Variants in HS3ST4 observed in about 807,000 individuals in gnomAD.
HS3ST4 encodes heparan sulfate glucosamine 3-O-sulfotransferase 4.
In HS3ST4, 17 loss-of-function variants were observed where a neutral mutation model predicts 29.2. The ratio of observed to expected loss-of-function variants is 0.58; its 90% CI spans 0.40 to 0.87. The LOEUF (loss-of-function observed/expected upper bound fraction) is 0.87, where lower values mean the gene tolerates loss of function less well. Among genes scored for constraint, HS3ST4 ranks in the 40% least tolerant of loss-of-function variants. HS3ST4 has a pLI of 0.00. For missense variants in HS3ST4, 627 were observed against 634.5 expected (o/e 0.99, Z 0.13); for synonymous variants, 314 against 285.7 (o/e 1.10, Z -1.00).
chr16:25,958,527 C>G (rs894569598), intron 1 of HS3ST4, among the ~76,000 whole-genome samples: 2 of 152,132 alleles, frequency 1.3e-5, no homozygotes, highest in Non-Finnish European at 2.9e-5. Context: ...GACGGGGTTT[C>G]ACCATGTTGG....
rs538924748 is a variant in HS3ST4, at chr16:26,052,641, G to A, written c.735-82971G>A. ...CTGCCTCAGCCTCCCAAAGTGCTGG[G>A]ATTACAGGCGTGAGCTACCACACCT... On this transcript the variant is annotated intron_variant, in intron 1 of 1. Coordinates refer to ENST00000331351, the MANE Select transcript of HS3ST4 (RefSeq NM_006040.3). 3.2e-4 allele frequency among the ~76,000 whole-genome samples: 48 copies of A among 152,342 alleles called. No homozygotes were observed. The South Asian group carries it at 3.9e-3, about 12-fold the overall frequency.
At chr16:25,754,164 A>G (rs1157171097) in intron 1 of HS3ST4, among the ~76,000 whole-genome samples, 1 of 152,156 alleles carries the variant, frequency 6.6e-6, no homozygotes, top group Non-Finnish European at 1.5e-5. Context: ...GGCAAGTTCA[A>G]AGTTCTCAGT....
chr16:25,866,863 C>T (rs961471733), intron 1 of HS3ST4, among the ~76,000 whole-genome samples: 2 of 152,012 alleles, frequency 1.3e-5, no homozygotes, highest in Non-Finnish European at 2.9e-5. Context: ...TTTAAAAAGA[C>T]AGCACTTATT....
chr16:25,784,870 A>G (rs1322874727), intron 1 of HS3ST4, among the ~76,000 whole-genome samples: 1 of 152,258 alleles, frequency 6.6e-6, no homozygotes, highest in Admixed American at 6.5e-5. Flanking sequence ...TTGGAAGAAG[A>G]TGCCATCTAG....
intron 1 of HS3ST4, among the ~76,000 whole-genome samples, chr16:25,940,082 G>A (rs978755407): frequency 2.0e-5 from 3 of 152,232 alleles, no homozygotes; most frequent in African/African-American, 7.2e-5. Flanking sequence ...GGAGGTCAGA[G>A]CTTTATTCCG....
intron 1 of HS3ST4, among the ~76,000 whole-genome samples, chr16:25,829,394 A>G (rs1007702425): frequency 3.9e-5 from 6 of 152,232 alleles, no homozygotes; most frequent in Non-Finnish European, 7.3e-5. Flanking sequence ...TATTTAAAAT[A>G]CACTATTTCA....
At chr16:25,693,284 C>T in intron 1 of HS3ST4, 133 bp downstream of exon 1, 1 of 999,762 alleles carries the variant, frequency 1.0e-6, no homozygotes, top group Non-Finnish European at 1.4e-6. Flanking sequence ...GCTCTGCAAA[C>T]CCTGGCGGCG....
intron 1 of HS3ST4, among the ~76,000 whole-genome samples, chr16:25,769,103 G>A (rs1266181648): frequency 6.6e-6 from 1 of 152,202 alleles, no homozygotes; most frequent in Non-Finnish European, 1.5e-5. Context: ...TGGAGTCAGT[G>A]TGGATTGGCA....
At chr16:25,944,726 G>A (rs377204549) in intron 1 of HS3ST4, among the ~76,000 whole-genome samples, 50 of 152,152 alleles carry the variant, frequency 3.3e-4, no homozygotes, top group African/African-American at 8.2e-4. Flanking sequence ...CTTCCTACCC[G>A]TCCTCTAACT....
At position 26,119,743 on chromosome 16, in the gene HS3ST4, G is replaced by A. The variant is rs931883561; in HGVS notation, c.735-15869G>A. Among the ~76,000 whole-genome samples the A allele has an allele frequency of 4.0e-5, 6 of 151,266 alleles. No homozygotes were observed. In the East Asian group the frequency reaches 5.8e-4, roughly 15 times the overall value. ...TTCCATCATTGAACAAATATTTATC[G>A]AGGCCTACTTCATGCCAGGCACTAT... On this transcript the variant is annotated intron_variant, in intron 1 of 1. Transcript: ENST00000331351.
intron 1 of HS3ST4, among the ~76,000 whole-genome samples, chr16:25,838,769 G>T (rs1159414390): frequency 6.6e-6 from 1 of 152,120 alleles, no homozygotes; most frequent in Non-Finnish European, 1.5e-5. Flanking sequence ...ACGAATCACT[G>T]CAGACTTTCA....
chr16:26,009,786 C>T (rs770668924), intron 1 of HS3ST4, among the ~76,000 whole-genome samples: 5 of 152,184 alleles, frequency 3.3e-5, no homozygotes, highest in East Asian at 1.9e-4. Context: ...CACGTGCTCT[C>T]GCCTAACCTC....
At chr16:25,814,623 G>A (rs1432323328) in intron 1 of HS3ST4, among the ~76,000 whole-genome samples, 2 of 152,100 alleles carry the variant, frequency 1.3e-5, no homozygotes, top group Non-Finnish European at 2.9e-5. Context: ...GGATTACAGG[G>A]GTGAGCCACA....
intron 1 of HS3ST4, among the ~76,000 whole-genome samples, chr16:25,726,696 A>C (rs778328849): frequency 2.6e-5 from 4 of 152,226 alleles, no homozygotes; most frequent in Non-Finnish European, 5.9e-5. Context: ...AATCTCAGTC[A>C]CAGATGAAAT....
chr16:26,122,747 AG>A (rs1358643065), intron 1 of HS3ST4, among the ~76,000 whole-genome samples: 3 of 152,140 alleles, frequency 2.0e-5, no homozygotes, highest in African/African-American at 7.2e-5. Flanking sequence ...AACCAGTAAT[AG>A]TCATGTAGAT....
chr16:25,887,468 G>T lies in HS3ST4; in HGVS notation c.734+194317G>T, dbSNP rs145942980. On this transcript the variant is annotated intron_variant, in intron 1 of 1. Coordinates refer to ENST00000331351, the MANE Select transcript of HS3ST4 (RefSeq NM_006040.3). ...CCCTCTTAGTCAATGGGAAAGGGTT[G>T]TCTACAGGGAGATATTAATTTTCAG... 6.7e-3 allele frequency among the ~76,000 whole-genome samples: 1,018 copies of T among 152,232 alleles called. 10 individuals are homozygous for T. Among genetic ancestry groups the T allele is most frequent in the African/African-American group, 0.023 (956 of 41,542 alleles).
intron 1 of HS3ST4, among the ~76,000 whole-genome samples, chr16:25,959,184 A>T (rs1968768571): frequency 6.6e-6 from 1 of 152,132 alleles, no homozygotes. Context: ...GGGACAGGGT[A>T]AGGAAGAAGC....
At chr16:25,957,025 T>C (rs562787958) in intron 1 of HS3ST4, among the ~76,000 whole-genome samples, 2 of 124,264 alleles carry the variant, frequency 1.6e-5, no homozygotes, top group African/African-American at 3.1e-5. Context: ...AAAGCATGGG[T>C]TTTGTGTTGA....
chr16:25,911,972 A>G (rs774929443), intron 1 of HS3ST4, among the ~76,000 whole-genome samples: 1 of 152,190 alleles, frequency 6.6e-6, no homozygotes, highest in Admixed American at 6.5e-5. Flanking sequence ...CAGGAAAAAG[A>G]TGGGGTTTGG....
Sources: gnomAD v4.1 joint callset for allele counts (sites outside exome capture counted in the v4.1 genomes callset) on GRCh38, gnomAD v4.1.1 for gene constraint, MANE v1.5 for transcripts, NCBI Gene and HGNC (gene_info 2026-07-23, HGNC 2026-07-21) for gene names.